GPBP1: variants seen among roughly 807,000 people sequenced by gnomAD.
GPBP1 encodes the protein GC-rich promoter binding protein 1.
In GPBP1, 13 loss-of-function variants were observed where a neutral mutation model predicts 56.5. The ratio of observed to expected loss-of-function variants is 0.23; its 90% CI spans 0.15 to 0.37. The LOEUF (loss-of-function observed/expected upper bound fraction) is 0.37. Among genes scored for constraint, GPBP1 ranks in the 10% least tolerant of loss-of-function variants. GPBP1 has a pLI of 1.00. For missense variants in GPBP1, 477 were observed against 572.3 expected (o/e 0.83, Z 1.70); for synonymous variants, 204 against 188.9 (o/e 1.08, Z -0.66).
At chr5:57,185,480 G>A (rs1754246374) in intron 2 of GPBP1, among the ~76,000 whole-genome samples, 1 of 152,004 alleles carries the variant, frequency 6.6e-6, no homozygotes. Flanking sequence ...TATTGGTCAG[G>A]TTGGTCTGGA....
Position 57,181,442 on chromosome 5 carries a change from A to G in GPBP1, c.-58+5042A>G, listed in dbSNP as rs565719911. ...GGGTGACAAGACTGTGTCAAAAAAA[A>G]AAAAAAGAACCTCTGACATACAAAA... is the stretch of plus-strand genomic sequence containing the variant. On this transcript the variant is annotated intron_variant, in intron 2 of 11. Transcript: ENST00000506184. 5.9e-5 allele frequency among the ~76,000 whole-genome samples: 9 copies of G among 151,896 alleles called. No individual in the cohort carries two copies. In the South Asian group the frequency reaches 1.9e-3, roughly 32 times the overall value.
At chr5:57,227,358 C>T (rs1441703249) in intron 3 of GPBP1, among the ~76,000 whole-genome samples, 1 of 152,138 alleles carries the variant, frequency 6.6e-6, no homozygotes, top group Non-Finnish European at 1.5e-5. Flanking sequence ...TGAGCCACCA[C>T]ACCTGGCCTA....
chr5:57,262,456 C>A (rs750048306), intron 11 of GPBP1, 138 bp from the exon 12 acceptor site: 39 of 655,942 alleles, frequency 5.9e-5, no homozygotes, highest in Non-Finnish European at 1.0e-4. Context: ...TTGTCTGGAT[C>A]CAGAATTTTT....
chr5:57,190,713 T>C (rs1314618511), intron 2 of GPBP1, among the ~76,000 whole-genome samples: 2 of 134,404 alleles, frequency 1.5e-5, no homozygotes, highest in Admixed American at 1.5e-4. Context: ...TTTTTTTTTT[T>C]TTTTTTTTTC....
intron 3 of GPBP1, among the ~76,000 whole-genome samples, chr5:57,218,438 A>G (rs932020705): frequency 1.3e-5 from 2 of 152,158 alleles, no homozygotes; most frequent in Non-Finnish European, 2.9e-5. Flanking sequence ...AGGTGAATAG[A>G]TTGATAATGG....
intron 8 of GPBP1, 25 bp downstream of exon 8, chr5:57,247,240 A>C (rs984572302): frequency 7.6e-6 from 12 of 1,575,272 alleles, no homozygotes; most frequent in South Asian, 1.1e-5. Flanking sequence ...ATCACACTTG[A>C]GGAATGTAAC....
intron 2 of GPBP1, among the ~76,000 whole-genome samples, chr5:57,213,532 A>G (rs556749654): frequency 1.3e-5 from 2 of 152,084 alleles, no homozygotes; most frequent in Non-Finnish European, 2.9e-5. Context: ...CTGCCCATTA[A>G]AAGCCACTAT....
At position 57,223,345 on chromosome 5, in the gene GPBP1, C is replaced by G. The variant is rs574095381; in HGVS notation, c.64-7501C>G. On this transcript the variant is annotated intron_variant, in intron 3 of 11. Transcript: ENST00000506184. ...CCCCTTGGTCCTCCTACCTCAGCCT[C>G]CCAAAGTGCTGGGATTACAAGTATG... Among the ~76,000 whole-genome samples, 4 of 152,268 alleles carry G rather than the reference C, an allele frequency of 2.6e-5. No homozygotes were observed. In the South Asian group the frequency reaches 8.3e-4, roughly 32 times the overall value.
intron 2 of GPBP1, among the ~76,000 whole-genome samples, chr5:57,178,244 G>A (rs1192469528): frequency 6.6e-6 from 1 of 152,078 alleles, no homozygotes; most frequent in African/African-American, 2.4e-5. Flanking sequence ...TTTATTATTT[G>A]TGATTTTTTC....
chr5:57,253,527 G>T (rs906598855), intron 10 of GPBP1, among the ~76,000 whole-genome samples: 5 of 152,108 alleles, frequency 3.3e-5, no homozygotes, highest in African/African-American at 1.2e-4. Context: ...AAGAACATAA[G>T]CTACATGAGG....
chr5:57,257,748 C>T (rs1003093213), intron 10 of GPBP1, among the ~76,000 whole-genome samples: 1 of 152,146 alleles, frequency 6.6e-6, no homozygotes, highest in African/African-American at 2.4e-5. Context: ...AACCATCACA[C>T]CTGGCCCTAG....
intron 2 of GPBP1, among the ~76,000 whole-genome samples, chr5:57,185,249 T>G (rs1754232370): frequency 6.6e-6 from 1 of 150,438 alleles, no homozygotes; most frequent in African/African-American, 2.4e-5. Context: ...CAACCATCTT[T>G]GGTTAGGTCT....
In GPBP1 at chr5:57,235,953, AACTTTC is replaced by A. The variant is rs1561362222; in HGVS notation, c.412-12_412-7del. 1.3e-6 allele frequency: 2 copies of A among 1,589,278 alleles called. No individual in the cohort carries two copies. Among genetic ancestry groups the A allele is most frequent in the Non-Finnish European group, 1.7e-6 (2 of 1,158,536 alleles). On this transcript the variant is annotated splice_region_variant and splice_polypyrimidine_tract_variant and intron_variant, in intron 5 of 11. Coordinates refer to ENST00000506184, the MANE Select transcript of GPBP1 (RefSeq NM_022913.4). The stretch of plus-strand genomic sequence containing the variant: ...TTTTAAAATGTGAAATGTTTATTCC[AACTTTC>A]TTCCAGCCGTCTTTAAATCCTGAGT...
chr5:57,250,991 C>A lies in GPBP1; in HGVS notation c.1010C>A (p.Thr337Asn). The A allele has an allele frequency of 6.2e-7, 1 of 1,606,904 alleles. No individual in the cohort carries two copies. The highest frequency in any genetic ancestry group is 8.5e-7 in the Non-Finnish European group (1 of 1,176,320). ...DSFNLHNSNS[T>N]HQERDINRNF... The stretch of plus-strand genomic sequence containing the variant: ...TTTAATTTACATAACAGCAATAGTA[C>A]TCACCAAGAAAGGGATATAAACCGA... Residue 337 changes from threonine to asparagine, a missense_variant, in exon 10 of 12, where the codon ACT becomes AAT. This residue lies in a region of GPBP1 where 414 missense variants were observed against 458.2 expected (regional missense o/e 0.90). Transcript: ENST00000506184.
chr5:57,247,917 C>A (rs985460405), intron 8 of GPBP1, among the ~76,000 whole-genome samples: 1 of 152,008 alleles, frequency 6.6e-6, no homozygotes. Flanking sequence ...TAATTTTTTA[C>A]TTTTTGTAGA....
At chr5:57,219,416 A>AAC in intron 3 of GPBP1, among the ~76,000 whole-genome samples, 1 of 69,434 alleles carries the variant, frequency 1.4e-5, no homozygotes, top group South Asian at 5.4e-4. Flanking sequence ...AAAAACAAAC[A>AAC]AACAAAAAAA....
At chr5:57,252,284 T>G (rs1401603593) in intron 10 of GPBP1, among the ~76,000 whole-genome samples, 2 of 151,928 alleles carry the variant, frequency 1.3e-5, no homozygotes, top group Non-Finnish European at 2.9e-5. Flanking sequence ...AAGTTTTAAT[T>G]TTGATGTAGT....
chr5:57,174,918 G>C (rs1423934846), intron 1 of GPBP1, among the ~76,000 whole-genome samples: 1 of 152,162 alleles, frequency 6.6e-6, no homozygotes, highest in Non-Finnish European at 1.5e-5. Context: ...AAGCGGGTTT[G>C]CCCTACTTCT....
rs774866407 is a variant in GPBP1 at position 57,230,889 on chromosome 5, C to G, written c.107C>G (p.Thr36Arg). ...FEKHSENFAW[T>R]ENRYDVNRRR... is the part of the protein sequence containing the mutation. The stretch of plus-strand genomic sequence containing the variant: ...AAGCATTCTGAAAACTTTGCATGGA[C>G]AGAGAATCGTTATGATGTGAACCGT... The change falls in exon 4 of 12, where the codon ACA becomes AGA. Residue 36 changes from threonine (T) to arginine (R), a missense_variant. Around this residue, in one of 2 missense-constraint regions of GPBP1, gnomAD observed 414 missense variants for 458.2 expected, o/e 0.90. Transcript: ENST00000506184. The G allele has an allele frequency of 3.1e-6, 5 of 1,611,170 alleles. No homozygotes were observed. The South Asian group carries it at 4.4e-5, about 14-fold the overall frequency.
Sources: allele counts gnomAD v4.1 joint callset (sites outside exome capture counted in the v4.1 genomes callset), GRCh38; gene constraint gnomAD v4.1.1; regional missense constraint gnomAD v4.1.1; transcripts MANE v1.5; gene names NCBI Gene and HGNC (gene_info 2026-07-23, HGNC 2026-07-21).